The following RAPGEF1 variants were observed in gnomAD, a reference collection of about 807,000 sequenced individuals.
RAPGEF1 encodes CRK SH3-binding GNRP.
RAPGEF1 carries 33 observed loss-of-function variants against 143.3 expected under a neutral mutation model. The observed-to-expected ratio is 0.23, with a 90% CI of 0.17 to 0.31. The LOEUF (loss-of-function observed/expected upper bound fraction) is 0.31, where lower values mean the gene tolerates loss of function less well. Ranked by LOEUF, RAPGEF1 falls within the 10% of genes least tolerant of loss-of-function variation. The pLI is 1.00. For synonymous variants in RAPGEF1, 629 were observed against 676.5 expected (o/e 0.93, Z 1.09); for missense variants, 1,199 against 1,645.4 (o/e 0.73, Z 4.69).
At chr9:131,604,294 G>C (rs1308890605) in intron 13 of RAPGEF1, among the ~76,000 whole-genome samples, 1 of 152,228 alleles carries the variant, frequency 6.6e-6, no homozygotes, top group Non-Finnish European at 1.5e-5. Context: ...AGACAGCAGG[G>C]GTCCCCAGTG....
At chr9:131,664,313 A>T (rs1830078016) in intron 1 of RAPGEF1, among the ~76,000 whole-genome samples, 1 of 152,084 alleles carries the variant, frequency 6.6e-6, no homozygotes, top group Non-Finnish European at 1.5e-5. Flanking sequence ...GTATTTAGAA[A>T]CCAAGATCGG....
At chr9:131,630,366 C>T (rs2078208428) in intron 5 of RAPGEF1, 42 bp from the exon 6 acceptor site, 12 of 1,595,328 alleles carry the variant, frequency 7.5e-6, no homozygotes, top group Non-Finnish European at 9.4e-6. Flanking sequence ...GCTCCCGTCA[C>T]CACTGAGTTT....
At chr9:131,673,927 T>G (rs1831835286) in intron 1 of RAPGEF1, among the ~76,000 whole-genome samples, 1 of 152,182 alleles carries the variant, frequency 6.6e-6, no homozygotes, top group Non-Finnish European at 1.5e-5. Flanking sequence ...AAGGGTCCCT[T>G]GATAATAAAA....
At chr9:131,737,129 C>T (rs1564219243) in intron 1 of RAPGEF1, among the ~76,000 whole-genome samples, 1 of 152,226 alleles carries the variant, frequency 6.6e-6, no homozygotes, top group Non-Finnish European at 1.5e-5. Flanking sequence ...TGCAAGGAGG[C>T]TGGACTTCCA....
rs372510751 is a variant in RAPGEF1 at position 131,592,134 on chromosome 9, G to C, written c.2739C>G (p.Ile913Met). 5.3e-5 allele frequency: 85 copies of C among 1,612,874 alleles called. No individual in the cohort carries two copies. The highest frequency in any genetic ancestry group is 6.9e-5 in the Non-Finnish European group (81 of 1,178,972). Residue 913 changes from isoleucine to methionine, a missense_variant, in exon 18 of 27, where the codon ATC becomes ATG. Physicochemically the swap from Ile to Met is conservative, Grantham distance 10. Transcript: ENST00000683357. ...EAFLTTYRTF[I>M]SPEELIKKLQ... Reference sequence around the variant, plus strand: ...GCTTCTTGATGAGCTCCTCTGGGGAGATGAAGGTCCTGTAGGTGGTCAGGA... The same window carrying C: ...GCTTCTTGATGAGCTCCTCTGGGGACATGAAGGTCCTGTAGGTGGTCAGGA...
At chr9:131,658,920 A>G (rs912330389) in intron 1 of RAPGEF1, among the ~76,000 whole-genome samples, 1 of 152,202 alleles carries the variant, frequency 6.6e-6, no homozygotes, top group African/African-American at 2.4e-5. Context: ...CCAACTTAGC[A>G]GTGGTTTCTG....
chr9:131,690,559 AG>A (rs1287014836), intron 1 of RAPGEF1, among the ~76,000 whole-genome samples: 1 of 152,156 alleles, frequency 6.6e-6, no homozygotes, highest in Non-Finnish European at 1.5e-5. Context: ...GCACTTTGGG[AG>A]GCCAAGGAGG....
intron 16 of RAPGEF1, among the ~76,000 whole-genome samples, chr9:131,597,181 G>A (rs977077977): frequency 3.3e-5 from 5 of 152,306 alleles, no homozygotes; most frequent in Non-Finnish European, 1.5e-5. Flanking sequence ...TCTCAGCTGC[G>A]GTACACACTC....
At chr9:131,727,598 C>T (rs555143726) in intron 1 of RAPGEF1, among the ~76,000 whole-genome samples, 8 of 152,160 alleles carry the variant, frequency 5.3e-5, no homozygotes, top group Non-Finnish European at 4.4e-5. Flanking sequence ...ACACGCTCCC[C>T]ATGACTTTAG....
chr9:131,630,228 G>A lies in RAPGEF1; in HGVS notation c.740+8C>T, dbSNP rs763381106. On this transcript the variant is annotated splice_region_variant and intron_variant, in intron 6 of 26. Coordinates refer to ENST00000683357, the MANE Select transcript of RAPGEF1 (RefSeq NM_001377935.1). ...ACACCCGCGACACGAGGGTTAGTCA[G>A]CACCTACCCATCAGGCTTGCTGGCA... is the stretch of plus-strand genomic sequence containing the variant. The A allele has an allele frequency of 1.9e-6, 3 of 1,613,240 alleles. No homozygotes were observed. In the Admixed American group the frequency reaches 5.0e-5, roughly 27 times the overall value.
At position 131,603,959 on chromosome 9, in the gene RAPGEF1, ACTC is replaced by A. The variant is rs1453459701; in HGVS notation, c.2411_2412+1del. On this transcript the variant is annotated splice_donor_variant and coding_sequence_variant, in exon 14 of 27. Coordinates refer to ENST00000683357, the MANE Select transcript of RAPGEF1 (RefSeq NM_001377935.1). LOFTEE classifies it high-confidence loss of function. ...TGCAGGAGGCCGCCCGAGGTTACTT[ACTC>A]CTCGAGAGGGAGCCAGCTCCTCGCT... 2 of 1,317,480 alleles carry A rather than the reference ACTC, an allele frequency of 1.5e-6. No homozygotes were observed. The highest frequency in any genetic ancestry group is 1.0e-4 in the East Asian group (2 of 19,202). The allele number at this position is 1,317,480 out of a possible 1,614,324, so 81.6% of individuals were successfully genotyped here.
At chr9:131,670,033 T>G (rs946467658) in intron 1 of RAPGEF1, among the ~76,000 whole-genome samples, 2 of 152,150 alleles carry the variant, frequency 1.3e-5, no homozygotes, top group African/African-American at 4.8e-5. Context: ...AGGCCTCATC[T>G]CACTGAAGCC....
chr9:131,629,036 C>G (rs1373290867), intron 7 of RAPGEF1, 66 bp downstream of exon 7: 2 of 1,560,748 alleles, frequency 1.3e-6, no homozygotes, highest in Non-Finnish European at 1.7e-6. Flanking sequence ...GGGCCCGAGC[C>G]CTGTCTTCCT....
intron 1 of RAPGEF1, among the ~76,000 whole-genome samples, chr9:131,710,639 A>T (rs1273538140): frequency 6.6e-6 from 1 of 152,220 alleles, no homozygotes; most frequent in Non-Finnish European, 1.5e-5. Flanking sequence ...CTGTAATCCC[A>T]GCACTCTGGG....
chr9:131,624,359 C>T (rs1306598151), intron 10 of RAPGEF1, among the ~76,000 whole-genome samples: 1 of 152,188 alleles, frequency 6.6e-6, no homozygotes, highest in African/African-American at 2.4e-5. Context: ...TTGCAGGCTC[C>T]AGTGCTGGAG....
Position 131,579,380 on chromosome 9 carries a change from C to A in RAPGEF1, c.*117G>T. ...CCCGGCCCCGCTGAGGGCTGGCCAG[C>A]CTCATGGCTCCGAGGCCGGGACTCC... On this transcript the variant is annotated 3_prime_UTR_variant, in exon 27 of 27. Transcript: ENST00000683357. 2 of 1,409,476 alleles carry A rather than the reference C, an allele frequency of 1.4e-6. No homozygotes were observed. Among genetic ancestry groups the A allele is most frequent in the Non-Finnish European group, 1.9e-6 (2 of 1,039,510 alleles). 87.3% of individuals were successfully genotyped at this position (1,409,476 alleles called of 1,614,324 possible).
intron 12 of RAPGEF1, among the ~76,000 whole-genome samples, chr9:131,609,236 G>GT (rs910039835): frequency 1.3e-5 from 2 of 152,188 alleles, no homozygotes; most frequent in Admixed American, 6.5e-5. Context: ...CTAGGCAGAT[G>GT]TAAGTGTTGC....
At chr9:131,591,072 T>C (rs931387175) in intron 18 of RAPGEF1, among the ~76,000 whole-genome samples, 1 of 152,266 alleles carries the variant, frequency 6.6e-6, no homozygotes, top group Admixed American at 6.5e-5. Context: ...CAGCAAGTCC[T>C]TGACACGTGT....
intron 1 of RAPGEF1, among the ~76,000 whole-genome samples, chr9:131,721,350 C>G (rs1836252196): frequency 6.6e-6 from 1 of 152,188 alleles, no homozygotes; most frequent in African/African-American, 2.4e-5. Context: ...CGCGCTCTGT[C>G]AGCACGGTGA....
Sources: allele counts gnomAD v4.1 joint callset (sites outside exome capture counted in the v4.1 genomes callset), GRCh38; gene constraint gnomAD v4.1.1; transcripts MANE v1.5; gene names NCBI Gene and HGNC (gene_info 2026-07-23, HGNC 2026-07-21).